Variants in SNX3 observed in about 807,000 individuals in gnomAD.
SNX3 encodes the protein sorting nexin-3.
SNX3 carries 5 observed loss-of-function variants against 17.7 expected under a neutral mutation model. That is an observed-to-expected ratio of 0.28 (90% CI 0.15 to 0.59). The LOEUF is 0.59. Among genes scored for constraint, SNX3 ranks in the 20% least tolerant of loss-of-function variants. The pLI, the probability that SNX3 is intolerant of heterozygous loss-of-function variation, is 0.88. For synonymous variants in SNX3, 91 were observed against 76.5 expected, an observed-to-expected ratio of 1.19 and a Z score of -0.99; for missense variants, 132 against 206.8, an observed-to-expected ratio of 0.64 and a Z score of 2.22.
intron 1 of SNX3, among the ~76,000 whole-genome samples, chr6:108,249,371 G>A (rs772660046): frequency 1.1e-4 from 16 of 152,092 alleles, no homozygotes; most frequent in Admixed American, 2.0e-4. Flanking sequence ...GCAGTGAGCC[G>A]AGATCGCACC....
intron 1 of SNX3, among the ~76,000 whole-genome samples, chr6:108,235,000 G>A (rs1327407826): frequency 6.6e-6 from 1 of 152,214 alleles, no homozygotes; most frequent in Non-Finnish European, 1.5e-5. Context: ...TCTTCGAGTT[G>A]TCCTCCAGAA....
intron 1 of SNX3, among the ~76,000 whole-genome samples, chr6:108,231,220 G>C (rs1016912870): frequency 6.6e-6 from 1 of 151,980 alleles, no homozygotes; most frequent in African/African-American, 2.4e-5. Flanking sequence ...CGAGTAGCTG[G>C]GATTACAGGC....
At chr6:108,224,729 T>C (rs1320654302) in intron 1 of SNX3, among the ~76,000 whole-genome samples, 3 of 152,242 alleles carry the variant, frequency 2.0e-5, no homozygotes, top group Non-Finnish European at 2.9e-5. Context: ...ACAGTGTCTA[T>C]GGGTCTTACC....
chr6:108,246,579 C>T (rs1775699158), intron 1 of SNX3, among the ~76,000 whole-genome samples: 1 of 151,864 alleles, frequency 6.6e-6, no homozygotes, highest in Non-Finnish European at 1.5e-5. Flanking sequence ...ATCCACCCGC[C>T]TCCACCTCCC....
At chr6:108,251,793 A>C (rs987981415) in intron 1 of SNX3, among the ~76,000 whole-genome samples, 2 of 152,334 alleles carry the variant, frequency 1.3e-5, no homozygotes, top group Middle Eastern at 3.4e-3. Flanking sequence ...AGTAGTGGCC[A>C]GGCGCGGTGG....
intron 1 of SNX3, among the ~76,000 whole-genome samples, chr6:108,248,565 G>A (rs1582506723): frequency 6.6e-6 from 1 of 152,142 alleles, no homozygotes; most frequent in Admixed American, 6.5e-5. Context: ...TTTGAGGGAA[G>A]AAAACTGAAC....
At chr6:108,219,147 C>T (rs1354043631) in intron 2 of SNX3, among the ~76,000 whole-genome samples, 4 of 150,162 alleles carry the variant, frequency 2.7e-5, no homozygotes, top group African/African-American at 4.9e-5. Flanking sequence ...GCCAGGAGAT[C>T]GAGACCGTCT....
Position 108,244,628 on chromosome 6 carries a change from A to G in SNX3, c.162+16132T>C, listed in dbSNP as rs1463763249. ...AACCACATTTAAAATAATATAGTCT[A>G]TAAGAATATAAGTAAGGAGTTTTTT... is the stretch of plus-strand genomic sequence containing the variant. On this transcript the variant is annotated intron_variant, in intron 1 of 3. Coordinates refer to ENST00000230085, the MANE Select transcript of SNX3 (RefSeq NM_003795.6). Among the ~76,000 whole-genome samples, 5 of 150,242 alleles carry G rather than the reference A, an allele frequency of 3.3e-5. No individual in the cohort carries two copies. The East Asian group carries it at 5.9e-4, about 18-fold the overall frequency.
chr6:108,235,500 A>G lies in SNX3; in HGVS notation c.163-12455T>C, dbSNP rs149410958. On this transcript the variant is annotated intron_variant, in intron 1 of 3. Coordinates refer to ENST00000230085, the MANE Select transcript of SNX3 (RefSeq NM_003795.6). The stretch of plus-strand genomic sequence containing the variant: ...ACTTTTAGGGTTTTTACATAGCAAT[A>G]ATCAACTGAAGCAATAACCTGACTT... Among the ~76,000 whole-genome samples the G allele has an allele frequency of 1.6e-3, 244 of 152,312 alleles. 2 individuals carry two copies. The highest frequency in any genetic ancestry group is 5.7e-3 in the African/African-American group (236 of 41,552).
intron 3 of SNX3, 41 bp downstream of exon 3, chr6:108,214,457 C>CT (rs1268942236): frequency 6.3e-7 from 1 of 1,598,964 alleles, no homozygotes; most frequent in Admixed American, 1.8e-5. Flanking sequence ...CAAGTAGTCA[C>CT]TTAAAGTAGT....
chr6:108,260,612 G>GCCCTGGCTCACGA, intron 1 of SNX3, 148 bp downstream of exon 1: 2 of 820,960 alleles, frequency 2.4e-6, no homozygotes, highest in Non-Finnish European at 3.8e-6. Context: ...AGGAAGAGGG[G>GCCCTGGCTCACGA]CCCTGGCTCA....
At chr6:108,238,431 A>G (rs1245930777) in intron 1 of SNX3, among the ~76,000 whole-genome samples, 1 of 152,130 alleles carries the variant, frequency 6.6e-6, no homozygotes, top group East Asian at 1.9e-4. Context: ...AAATTTTCTA[A>G]GTATACTTTT....
intron 2 of SNX3, among the ~76,000 whole-genome samples, chr6:108,221,273 T>G (rs1256345882): frequency 4.6e-5 from 7 of 151,816 alleles, no homozygotes; most frequent in Non-Finnish European, 8.8e-5. Flanking sequence ...TAGCTTTGTT[T>G]TTTTTTTTAG....
At chr6:108,221,437 C>T (rs1037713432) in intron 2 of SNX3, among the ~76,000 whole-genome samples, 1 of 146,446 alleles carries the variant, frequency 6.8e-6, no homozygotes, top group African/African-American at 2.5e-5. Context: ...TCCTAGAACA[C>T]AAAGGACGAG....
intron 1 of SNX3, among the ~76,000 whole-genome samples, chr6:108,239,167 T>C (rs1310526041): frequency 6.6e-6 from 1 of 152,228 alleles, no homozygotes; most frequent in African/African-American, 2.4e-5. Flanking sequence ...CCTCCCAAAG[T>C]GCTGGGATTA....
At chr6:108,236,896 A>T (rs1223317204) in intron 1 of SNX3, among the ~76,000 whole-genome samples, 6 of 152,190 alleles carry the variant, frequency 3.9e-5, no homozygotes, top group Non-Finnish European at 1.5e-5. Context: ...ATACACACGC[A>T]TATGCTTTAA....
intron 2 of SNX3, among the ~76,000 whole-genome samples, chr6:108,220,388 G>A (rs1774725798): frequency 6.6e-6 from 1 of 151,666 alleles, no homozygotes; most frequent in Admixed American, 6.6e-5. Flanking sequence ...AGTCTTCCAC[G>A]CTGTATTTTT....
intron 1 of SNX3, among the ~76,000 whole-genome samples, chr6:108,254,576 G>T (rs975866440): frequency 3.3e-5 from 5 of 152,130 alleles, no homozygotes; most frequent in African/African-American, 7.2e-5. Context: ...TCATTTATTT[G>T]TAAGTGTCCA....
intron 1 of SNX3, among the ~76,000 whole-genome samples, chr6:108,260,367 G>GA (rs1162912072): frequency 2.0e-5 from 3 of 152,236 alleles, no homozygotes; most frequent in Non-Finnish European, 4.4e-5. Context: ...TCCAGGAAGA[G>GA]AAAACTGGGA....
Sources: gnomAD v4.1 joint callset for allele counts (sites outside exome capture counted in the v4.1 genomes callset) on GRCh38, gnomAD v4.1.1 for gene constraint, MANE v1.5 for transcripts, NCBI Gene and HGNC (gene_info 2026-07-23, HGNC 2026-07-21) for gene names.